GPC6: variants seen among roughly 807,000 people sequenced by gnomAD.
GPC6 encodes the protein glypican-6.
GPC6 carries 14 observed loss-of-function variants against 55.2 expected under a neutral mutation model. The ratio of observed to expected loss-of-function variants is 0.25; its 90% CI spans 0.17 to 0.40. The LOEUF (loss-of-function observed/expected upper bound fraction) is 0.40. Ranked by LOEUF, GPC6 falls within the 10% of genes least tolerant of loss-of-function variation. The probability of loss-of-function intolerance (pLI) is 1.00; values close to 1 mark genes in which losing one functional copy is unlikely to be tolerated. For missense variants in GPC6, 641 were observed against 708.5 expected (o/e 0.90, Z 1.08); for synonymous variants, 278 against 259.6 (o/e 1.07, Z -0.68).
intron 4 of GPC6, among the ~76,000 whole-genome samples, chr13:94,081,163 G>T (rs1163137555): frequency 6.6e-6 from 1 of 152,144 alleles, no homozygotes; most frequent in African/African-American, 2.4e-5. Flanking sequence ...AGCTCTAAAA[G>T]ACTCATTAAG....
intron 3 of GPC6, among the ~76,000 whole-genome samples, chr13:94,006,732 G>C (rs1882034696): frequency 6.6e-6 from 1 of 152,190 alleles, no homozygotes; most frequent in Admixed American, 6.5e-5. Flanking sequence ...CTTTGGACAA[G>C]GTATTTGGCC....
chr13:93,588,956 G>A (rs1053891851), intron 2 of GPC6, among the ~76,000 whole-genome samples: 8 of 152,164 alleles, frequency 5.3e-5, no homozygotes, highest in African/African-American at 1.9e-4. Context: ...CGGGGGAAGA[G>A]TGCTACAGGG....
rs139697272 is a variant in GPC6, at chr13:93,814,473, T to C, written c.320-15681T>C. On this transcript the variant is annotated intron_variant, in intron 2 of 8. Coordinates refer to ENST00000377047, the MANE Select transcript of GPC6 (RefSeq NM_005708.5). ...ATTTGTCTCTTGAGTACATTAGGTA[T>C]GACTTAAGCAAAATTAAAATTATTG... Among the ~76,000 whole-genome samples, 259 of 152,352 alleles carry C rather than the reference T, an allele frequency of 1.7e-3. 3 individuals carry two copies. Among genetic ancestry groups the C allele is most frequent in the African/African-American group, 5.7e-3 (236 of 41,584 alleles).
intron 2 of GPC6, among the ~76,000 whole-genome samples, chr13:93,719,263 C>A (rs529682035): frequency 2.0e-5 from 3 of 152,108 alleles, no homozygotes; most frequent in East Asian, 3.9e-4. Context: ...TTTCCTTGAG[C>A]AGTGGTTTGT....
chr13:94,382,216 A>G (rs913813331), intron 6 of GPC6, among the ~76,000 whole-genome samples, 198 bp from the exon 7 acceptor site: 1 of 152,228 alleles, frequency 6.6e-6, no homozygotes, highest in African/African-American at 2.4e-5. Flanking sequence ...ACTCTCGTCT[A>G]GAGGAGGACT....
chr13:94,161,777 A>C (rs75266870), intron 4 of GPC6, among the ~76,000 whole-genome samples: 1 of 152,174 alleles, frequency 6.6e-6, no homozygotes, highest in African/African-American at 2.4e-5. Context: ...GTATTAGTCC[A>C]TTTTCACACT....
At chr13:93,953,411 A>G (rs909684724) in intron 3 of GPC6, among the ~76,000 whole-genome samples, 1 of 151,952 alleles carries the variant, frequency 6.6e-6, no homozygotes, top group Non-Finnish European at 1.5e-5. Context: ...GTCTCCACTT[A>G]TTTCATTTTT....
chr13:94,203,040 A>G (rs1889802038), intron 4 of GPC6, among the ~76,000 whole-genome samples: 1 of 151,996 alleles, frequency 6.6e-6, no homozygotes, highest in Admixed American at 6.5e-5. Flanking sequence ...TGTAATTTCA[A>G]ATGCCCCAAA....
At chr13:93,974,056 C>T (rs1262940756) in intron 3 of GPC6, among the ~76,000 whole-genome samples, 1 of 152,118 alleles carries the variant, frequency 6.6e-6, no homozygotes, top group Non-Finnish European at 1.5e-5. Context: ...GCTTAAACAT[C>T]GTTTTCTACT....
At chr13:94,095,450 CA>C (rs1885625426) in intron 4 of GPC6, among the ~76,000 whole-genome samples, 1 of 152,152 alleles carries the variant, frequency 6.6e-6, no homozygotes. Context: ...ATGTTTTATT[CA>C]ACTCAACGTA....
At chr13:93,416,149 A>G (rs945964607) in intron 1 of GPC6, among the ~76,000 whole-genome samples, 1 of 152,022 alleles carries the variant, frequency 6.6e-6, no homozygotes, top group African/African-American at 2.4e-5. Context: ...AATTGGTGTT[A>G]TTGAGCACTT....
At chr13:94,017,150 T>C (rs554758100) in intron 3 of GPC6, among the ~76,000 whole-genome samples, 4 of 152,190 alleles carry the variant, frequency 2.6e-5, no homozygotes, top group Non-Finnish European at 5.9e-5. Context: ...TTAACTTTCT[T>C]TTCCCATTGT....
intron 6 of GPC6, among the ~76,000 whole-genome samples, chr13:94,322,047 C>T (rs1239086710): frequency 1.3e-5 from 2 of 152,182 alleles, no homozygotes; most frequent in African/African-American, 4.8e-5. Flanking sequence ...TGTATCTCCA[C>T]CCAAATTTCA....
intron 4 of GPC6, among the ~76,000 whole-genome samples, chr13:94,195,693 A>G (rs917531340): frequency 3.9e-5 from 6 of 152,236 alleles, no homozygotes; most frequent in South Asian, 2.1e-4. Context: ...AGTAAGAGCT[A>G]TGAGACTTAG....
rs1875327127 is a variant in GPC6, at chr13:93,886,406, AG to A, written c.711+55862del. 3.3e-5 allele frequency among the ~76,000 whole-genome samples: 5 copies of A among 152,164 alleles called. No individual in the cohort carries two copies. In the South Asian group the frequency reaches 1.0e-3, roughly 32 times the overall value. ...GAAAAGATGCTGAGTGGCTGTCCCC[AG>A]TGCAGATTCTAATGGCTGTTTCCCA... On this transcript the variant is annotated intron_variant, in intron 3 of 8. Coordinates refer to ENST00000377047, the MANE Select transcript of GPC6 (RefSeq NM_005708.5).
intron 4 of GPC6, among the ~76,000 whole-genome samples, chr13:94,207,792 C>T (rs1413034323): frequency 2.0e-5 from 3 of 152,122 alleles, no homozygotes; most frequent in Non-Finnish European, 4.4e-5. Flanking sequence ...TTACATATCC[C>T]TGGGCAAACT....
At chr13:93,251,320 C>G (rs953155388) in intron 1 of GPC6, among the ~76,000 whole-genome samples, 2 of 152,126 alleles carry the variant, frequency 1.3e-5, no homozygotes, top group Non-Finnish European at 2.9e-5. Flanking sequence ...AGACTTCTGC[C>G]TACTAAAGAG....
the GPC6 span, among the ~76,000 whole-genome samples, chr13:93,217,499 GTTCTT>G: frequency 2.6e-5 from 4 of 152,248 alleles, no homozygotes; most frequent in East Asian, 5.8e-4. Context: ...GTATTCAAAT[GTTCTT>G]TTCTTTTCCT....
chr13:93,737,507 A>G lies in GPC6; in HGVS notation c.320-92647A>G, dbSNP rs558067581. Among the ~76,000 whole-genome samples the G allele has an allele frequency of 2.0e-5, 3 of 152,260 alleles. No individual in the cohort carries two copies. In the South Asian group the frequency reaches 6.2e-4, roughly 32 times the overall value. On this transcript the variant is annotated intron_variant, in intron 2 of 8. Coordinates refer to ENST00000377047, the MANE Select transcript of GPC6 (RefSeq NM_005708.5). ...AAAAGGAGTGAAAGGAAGACAATCA[A>G]AGTTCAACATTCATCGATTTATTTT...
Sources: allele counts gnomAD v4.1 joint callset (sites outside exome capture counted in the v4.1 genomes callset), GRCh38; gene constraint gnomAD v4.1.1; transcripts MANE v1.5; gene names NCBI Gene and HGNC (gene_info 2026-07-23, HGNC 2026-07-21).